Variants in NEXMIF observed in about 807,000 individuals in gnomAD.
The protein encoded by NEXMIF is neurite extension and migration factor, also known as XLMR protein related to neurite extension.
A neutral mutation model predicts 62.1 loss-of-function variants in NEXMIF; 8 were observed. The ratio of observed to expected loss-of-function variants is 0.13; its 90% confidence interval spans 0.08 to 0.23. NEXMIF has a LOEUF of 0.23. NEXMIF is among the 10% of genes least tolerant of loss of function. The probability of loss-of-function intolerance (pLI) is 1.00; values close to 1 mark genes in which losing one functional copy is unlikely to be tolerated. For synonymous variants in NEXMIF, 404 were observed against 416.6 expected (o/e 0.97, Z 0.37); for missense variants, 976 against 1,113.3 (o/e 0.88, Z 1.75).
chrX:74,766,850 T>C (rs749495308), intron 1 of NEXMIF, among the ~76,000 whole-genome samples: 21 of 112,212 alleles, frequency 1.9e-4, no homozygotes, highest in African/African-American at 5.8e-4. Context: ...CTCATCTCTG[T>C]GTGTGGGTCT....
At chrX:74,880,214 C>G (rs1365725727) in intron 1 of NEXMIF, among the ~76,000 whole-genome samples, 1 of 112,023 alleles carries the variant, frequency 8.9e-6, no homozygotes, top group African/African-American at 3.2e-5. Context: ...AATAAACACT[C>G]TCTACACCCC....
chrX:74,913,120 G>A (rs1157152582), intron 1 of NEXMIF, among the ~76,000 whole-genome samples: 2 of 112,224 alleles, frequency 1.8e-5, no homozygotes, highest in Non-Finnish European at 3.8e-5. Context: ...TTGATAGGTG[G>A]CAAAACCAGG....
intron 1 of NEXMIF, among the ~76,000 whole-genome samples, chrX:74,880,030 T>G (rs925976395): frequency 5.4e-5 from 6 of 112,122 alleles, no homozygotes; most frequent in Non-Finnish European, 7.5e-5. Flanking sequence ...TATAAACTCG[T>G]AAGTACTCAC....
At chrX:74,847,379 T>C (rs1336951991) in intron 1 of NEXMIF, among the ~76,000 whole-genome samples, 1 of 112,051 alleles carries the variant, frequency 8.9e-6, no homozygotes, top group Non-Finnish European at 1.9e-5. Context: ...AGTACATGCA[T>C]ACATATAAGC....
Position 74,743,014 on chromosome X carries a change from A to G in NEXMIF, c.1543T>C (p.Ser515Pro). ...NERKEWLPVGSKEEDDDEWCP... is the reference protein window; with the variant it reads ...NERKEWLPVGPKEEDDDEWCP... ...CATTCATCATCATCTTCCTCTTTGG[A>G]ACCAACTGGCAGCCATTCCTTCCTC... The change falls in exon 3 of 4, where the codon TCC becomes CCC. Residue 515 changes from serine to proline, a missense_variant. Physicochemically the swap from Ser to Pro is moderately conservative, Grantham distance 74. Coordinates refer to ENST00000055682, the MANE Select transcript of NEXMIF (RefSeq NM_001008537.3). 8.3e-7 allele frequency: 1 copy of G among 1,211,062 alleles called. No homozygotes were observed. Among genetic ancestry groups the G allele is most frequent in the Non-Finnish European group, 1.1e-6 (1 of 895,276 alleles).
intron 1 of NEXMIF, among the ~76,000 whole-genome samples, chrX:74,802,802 T>C (rs2080333748): frequency 9.0e-6 from 1 of 110,726 alleles, no homozygotes; most frequent in Non-Finnish European, 1.9e-5. Context: ...GAAATGCAAA[T>C]AAATTCAAGC....
chrX:74,871,691 G>C (rs1008093177), intron 1 of NEXMIF, among the ~76,000 whole-genome samples: 2 of 111,168 alleles, frequency 1.8e-5, no homozygotes, highest in Non-Finnish European at 3.8e-5. Context: ...TCTCCTACTC[G>C]CACATCCATC....
At chrX:74,745,202 C>T (rs1039921682) in intron 2 of NEXMIF, among the ~76,000 whole-genome samples, 1 of 110,461 alleles carries the variant, frequency 9.1e-6, no homozygotes, top group East Asian at 2.9e-4. Flanking sequence ...AGTCTGGTCT[C>T]GAACTCCTGA....
At chrX:74,917,758 C>T (rs1473393009) in intron 1 of NEXMIF, among the ~76,000 whole-genome samples, 2 of 111,198 alleles carry the variant, frequency 1.8e-5, no homozygotes. Context: ...GTGAGAGAAA[C>T]AGATGAAACA....
chrX:74,866,174 G>A (rs1040144342), intron 1 of NEXMIF, among the ~76,000 whole-genome samples: 1 of 112,088 alleles, frequency 8.9e-6, no homozygotes, highest in East Asian at 2.8e-4. Context: ...GGATGGAGCT[G>A]CCCAAGGCCG....
intron 1 of NEXMIF, among the ~76,000 whole-genome samples, chrX:74,921,410 G>A (rs2080826707): frequency 8.9e-6 from 1 of 112,165 alleles, no homozygotes; most frequent in Admixed American, 9.5e-5. Flanking sequence ...TGTTGTTTGA[G>A]AAGACACGAA....
chrX:74,883,882 AG>A (rs1216698913), intron 1 of NEXMIF, among the ~76,000 whole-genome samples: 1 of 112,179 alleles, frequency 8.9e-6, no homozygotes, highest in Non-Finnish European at 1.9e-5. Context: ...AAAAATGTTA[AG>A]GGCAGCCAGA....
At chrX:74,750,672 G>A (rs1410068746) in intron 1 of NEXMIF, among the ~76,000 whole-genome samples, 1 of 111,657 alleles carries the variant, frequency 9.0e-6, no homozygotes. Context: ...AGTACAGGGA[G>A]CACATTCTAA....
At chrX:74,787,680 A>G (rs2080265582) in intron 1 of NEXMIF, among the ~76,000 whole-genome samples, 1 of 112,123 alleles carries the variant, frequency 8.9e-6, no homozygotes, top group South Asian at 3.8e-4. Context: ...AATGCAGATA[A>G]ATAAGCTGAA....
intron 1 of NEXMIF, among the ~76,000 whole-genome samples, chrX:74,796,198 AT>A (rs1310202694): frequency 2.9e-5 from 2 of 69,988 alleles, no homozygotes; most frequent in Admixed American, 2.2e-4. Flanking sequence ...TATTATATAT[AT>A]ACATATATAT....
chrX:74,807,398 G>A (rs889889145), intron 1 of NEXMIF, among the ~76,000 whole-genome samples: 4 of 111,037 alleles, frequency 3.6e-5, no homozygotes, highest in Admixed American at 1.9e-4. Flanking sequence ...AAAAACTCCT[G>A]GACTGAAGCA....
At chrX:74,893,063 T>A (rs2080722982) in intron 1 of NEXMIF, among the ~76,000 whole-genome samples, 1 of 112,093 alleles carries the variant, frequency 8.9e-6, no homozygotes, top group African/African-American at 3.2e-5. Context: ...GAAAATAGAC[T>A]GATTTCTGTC....
intron 1 of NEXMIF, among the ~76,000 whole-genome samples, chrX:74,767,703 G>T (rs1602221813): frequency 8.9e-6 from 1 of 111,969 alleles, no homozygotes; most frequent in Non-Finnish European, 1.9e-5. Flanking sequence ...CCCACCCAGT[G>T]AGGAGAAGTA....
intron 1 of NEXMIF, among the ~76,000 whole-genome samples, chrX:74,752,074 T>C (rs2080146015): frequency 9.0e-6 from 1 of 111,573 alleles, no homozygotes; most frequent in African/African-American, 3.3e-5. Flanking sequence ...CCCAAAGTGC[T>C]AGGATTACAG....
Sources: allele counts gnomAD v4.1 joint callset (sites outside exome capture counted in the v4.1 genomes callset), GRCh38; gene constraint gnomAD v4.1.1; transcripts MANE v1.5; gene names NCBI Gene and HGNC (gene_info 2026-07-23, HGNC 2026-07-21).